Variants in LRP1B observed in about 807,000 individuals in gnomAD.
LRP1B encodes the protein LDL receptor related protein 1B, also known as low-density lipoprotein receptor-related protein 1B.
In LRP1B, 217 loss-of-function variants were observed where a neutral mutation model predicts 556.6. The observed-to-expected ratio is 0.39, with a 90% confidence interval of 0.35 to 0.44. LRP1B has a LOEUF of 0.44. Ranked by LOEUF, LRP1B falls within the 20% of genes least tolerant of loss-of-function variation. The pLI is 1.00. For missense variants in LRP1B, 5,053 were observed against 5,620.8 expected (o/e 0.90, Z 3.23); for synonymous variants, 2,047 against 1,865.8 (o/e 1.10, Z -2.50).
At chr2:140,830,499 G>A (rs967440429) in intron 31 of LRP1B, among the ~76,000 whole-genome samples, 1 of 152,016 alleles carries the variant, frequency 6.6e-6, no homozygotes, top group Non-Finnish European at 1.5e-5. Flanking sequence ...AAGGACAAAA[G>A]ACATATAATC....
chr2:140,465,472 C>T (rs1687505816), intron 60 of LRP1B, among the ~76,000 whole-genome samples: 2 of 152,162 alleles, frequency 1.3e-5, no homozygotes, highest in South Asian at 4.1e-4. Context: ...TAGAGAATCA[C>T]TGAATGAATA....
At chr2:141,277,044 G>T (rs1685326643) in intron 3 of LRP1B, among the ~76,000 whole-genome samples, 1 of 152,126 alleles carries the variant, frequency 6.6e-6, no homozygotes, top group South Asian at 2.1e-4. Context: ...TACTGTTCAT[G>T]GGCATCTAGG....
chr2:141,434,487 G>A (rs555170534), intron 3 of LRP1B, among the ~76,000 whole-genome samples: 1 of 152,034 alleles, frequency 6.6e-6, no homozygotes, highest in South Asian at 2.1e-4. Context: ...AGGAAGTATT[G>A]TCAGTGTCTT....
At position 140,577,411 on chromosome 2, in the gene LRP1B, C is replaced by A. The variant is rs554176912; in HGVS notation, c.7194+21220G>T. Among the ~76,000 whole-genome samples, 6 of 144,172 alleles carry A rather than the reference C, an allele frequency of 4.2e-5. No homozygotes were observed. In the East Asian group the frequency reaches 1.3e-3, roughly 30 times the overall value. 94.6% of individuals were successfully genotyped at this position (144,172 alleles called of 152,430 possible). ...GGCAGGAGAATCGCTTGAACTTTAT[C>A]CACTACTGAATTTTTTTTTTTTTTT... On this transcript the variant is annotated intron_variant, in intron 43 of 90. Transcript: ENST00000389484.
chr2:140,975,468 G>A (rs1696565917), intron 18 of LRP1B, among the ~76,000 whole-genome samples: 1 of 152,226 alleles, frequency 6.6e-6, no homozygotes, highest in East Asian at 1.9e-4. Flanking sequence ...TCTCCTCTCT[G>A]CCTGAAGAGC....
chr2:141,871,656 T>A (rs1698590808), intron 1 of LRP1B, among the ~76,000 whole-genome samples: 1 of 152,016 alleles, frequency 6.6e-6, no homozygotes. Flanking sequence ...TGTTGAATGC[T>A]AAATTGTATA....
intron 1 of LRP1B, among the ~76,000 whole-genome samples, chr2:142,125,952 A>G (rs1707633846): frequency 6.6e-6 from 1 of 151,886 alleles, no homozygotes; most frequent in African/African-American, 2.4e-5. Flanking sequence ...GAAATTTAAG[A>G]AAAGTTTTAA....
At chr2:142,084,311 C>T (rs1705831108) in intron 1 of LRP1B, among the ~76,000 whole-genome samples, 1 of 152,012 alleles carries the variant, frequency 6.6e-6, no homozygotes, top group African/African-American at 2.4e-5. Context: ...TTCACGCTGC[C>T]CTGTTTCCCC....
At chr2:140,572,114 CAG>C (rs1196396450) in intron 43 of LRP1B, among the ~76,000 whole-genome samples, 2 of 151,596 alleles carry the variant, frequency 1.3e-5, no homozygotes, top group Non-Finnish European at 3.0e-5. Context: ...ACCTCACAAA[CAG>C]AGACAACATA....
At chr2:141,144,959 C>T (rs527802260) in intron 7 of LRP1B, among the ~76,000 whole-genome samples, 92 of 152,310 alleles carry the variant, frequency 6.0e-4, no homozygotes, top group Non-Finnish European at 9.0e-4. Context: ...GCTATTAGTA[C>T]TCTTTTTGTT....
intron 1 of LRP1B, among the ~76,000 whole-genome samples, chr2:141,909,095 C>T (rs911568043): frequency 1.3e-5 from 2 of 152,002 alleles, no homozygotes; most frequent in Non-Finnish European, 1.5e-5. Context: ...TAGGGAAAAA[C>T]CTGTTTAGCT....
At chr2:142,088,094 A>G (rs2104944003) in intron 1 of LRP1B, among the ~76,000 whole-genome samples, 1 of 152,260 alleles carries the variant, frequency 6.6e-6, no homozygotes, top group African/African-American at 2.4e-5. Flanking sequence ...ATTTTTTAAT[A>G]TAATTGAAAA....
intron 7 of LRP1B, among the ~76,000 whole-genome samples, chr2:141,160,467 C>G (rs183519475): frequency 2.6e-5 from 4 of 152,150 alleles, no homozygotes; most frequent in African/African-American, 9.6e-5. Context: ...ATTTTCATAG[C>G]AGGTTTGTAA....
intron 23 of LRP1B, among the ~76,000 whole-genome samples, chr2:140,891,339 G>C (rs1693792093): frequency 6.6e-6 from 1 of 152,014 alleles, no homozygotes. Context: ...AGTTGCCTAG[G>C]AAAAAGAGTC....
At chr2:140,825,910 T>C (rs1351550903) in intron 31 of LRP1B, among the ~76,000 whole-genome samples, 1 of 152,220 alleles carries the variant, frequency 6.6e-6, no homozygotes, top group Admixed American at 6.5e-5. Flanking sequence ...TTCAATCAAA[T>C]ACTGTCTTGG....
chr2:141,432,925 C>T (rs1370829291), intron 3 of LRP1B, among the ~76,000 whole-genome samples: 3 of 151,968 alleles, frequency 2.0e-5, no homozygotes, highest in African/African-American at 7.2e-5. Context: ...TCCCTTCCTA[C>T]TGCTAACTTT....
intron 85 of LRP1B, among the ~76,000 whole-genome samples, chr2:140,273,464 T>A (rs926737440): frequency 6.6e-6 from 1 of 152,044 alleles, no homozygotes; most frequent in Non-Finnish European, 1.5e-5. Flanking sequence ...ATGTCATTCA[T>A]AATGATAATA....
intron 2 of LRP1B, among the ~76,000 whole-genome samples, chr2:141,655,174 C>T (rs146298555): frequency 2.4e-3 from 363 of 152,180 alleles, no homozygotes; most frequent in African/African-American, 8.3e-3. Context: ...TTAGGAACTT[C>T]AATACATTAT....
chr2:140,300,818 C>T (rs1037408118), intron 83 of LRP1B, among the ~76,000 whole-genome samples: 5 of 152,040 alleles, frequency 3.3e-5, no homozygotes, highest in Non-Finnish European at 5.9e-5. Flanking sequence ...AATTAGATAA[C>T]ACATGTGAAG....
Sources: allele counts gnomAD v4.1 joint callset (sites outside exome capture counted in the v4.1 genomes callset), GRCh38; gene constraint gnomAD v4.1.1; transcripts MANE v1.5; gene names NCBI Gene and HGNC (gene_info 2026-07-23, HGNC 2026-07-21).